CPNE8: variants seen among roughly 807,000 people sequenced by gnomAD.
CPNE8 encodes copine 8, also known as copine-8.
In CPNE8, 45 loss-of-function variants were observed where a neutral mutation model predicts 81.5. The observed-to-expected ratio is 0.55, with a 90% CI of 0.44 to 0.71. The LOEUF is 0.71. CPNE8 is among the 30% of genes least tolerant of loss of function. The probability of loss-of-function intolerance (pLI) is 0.00; values close to 1 mark genes in which losing one functional copy is unlikely to be tolerated. For synonymous variants in CPNE8, 252 were observed against 226.3 expected (o/e 1.11, Z -1.02); for missense variants, 594 against 672.1 (o/e 0.88, Z 1.28).
intron 1 of CPNE8, among the ~76,000 whole-genome samples, chr12:38,887,178 G>A (rs1369811537): frequency 1.3e-5 from 2 of 152,138 alleles, no homozygotes; most frequent in African/African-American, 4.8e-5. Context: ...ACTGTCAACA[G>A]CAATGTTTTA....
chr12:38,679,705 G>C, intron 16 of CPNE8: 3 of 984,784 alleles, frequency 3.0e-6, no homozygotes, highest in Non-Finnish European at 3.6e-6. Flanking sequence ...GTTGCACTTT[G>C]AAAGTAAATC....
At chr12:38,729,051 G>A (rs864324) in intron 11 of CPNE8, among the ~76,000 whole-genome samples, 77,813 of 151,808 alleles carry the variant, frequency 0.51, 20,283 homozygotes, top group Middle Eastern at 0.67. Flanking sequence ...ACTGAAACCA[G>A]TGATGAGAAA....
intron 10 of CPNE8, among the ~76,000 whole-genome samples, chr12:38,736,655 A>T (rs1469903061): frequency 1.3e-5 from 2 of 152,038 alleles, no homozygotes; most frequent in Non-Finnish European, 2.9e-5. Context: ...AAACACCTTT[A>T]ATTCAATTTC....
At chr12:38,701,740 C>A (rs564503531) in intron 14 of CPNE8, among the ~76,000 whole-genome samples, 1 of 152,062 alleles carries the variant, frequency 6.6e-6, no homozygotes, top group Non-Finnish European at 1.5e-5. Context: ...GTGATCTGCC[C>A]GCCTCAGCCT....
chr12:38,791,993 G>A (rs1056095075), intron 6 of CPNE8, among the ~76,000 whole-genome samples: 2 of 147,958 alleles, frequency 1.4e-5, no homozygotes, highest in Non-Finnish European at 3.0e-5. Context: ...GGGTCAAAGA[G>A]GAGACCATAG....
At position 38,829,433 on chromosome 12, in the gene CPNE8, C is replaced by G; in HGVS notation, c.353G>C (p.Cys118Ser). ...TGAACCAACGATCTCTCCCAATGTA[C>G]AAAACACTTGTCCCAGAAAGTCCTG... ...SKHDFLGQVFCTLGEIVGSQG... is the reference protein window; with the variant it reads ...SKHDFLGQVFSTLGEIVGSQG... Residue 118 changes from cysteine to serine, a missense_variant, in exon 6 of 20, where the codon TGT (cysteine) becomes TCT (serine). By Grantham distance (112) the Cys-to-Ser change is moderately radical (BLOSUM62 -1). Transcript: ENST00000331366. The G allele has an allele frequency of 6.2e-7, 1 of 1,612,938 alleles. No homozygotes were observed. Among genetic ancestry groups the G allele is most frequent in the Non-Finnish European group, 8.5e-7 (1 of 1,179,052 alleles).
intron 15 of CPNE8, among the ~76,000 whole-genome samples, chr12:38,686,164 T>G (rs1218002826): frequency 2.6e-5 from 4 of 152,066 alleles, no homozygotes; most frequent in Non-Finnish European, 5.9e-5. Flanking sequence ...ATGTAAAATA[T>G]CTGCCACATG....
chr12:38,889,070 T>G (rs1369480836), intron 1 of CPNE8, among the ~76,000 whole-genome samples: 3 of 152,330 alleles, frequency 2.0e-5, no homozygotes, highest in East Asian at 3.9e-4. Context: ...ATTTACAGTT[T>G]AATAGCTGTC....
chr12:38,862,937 A>G (rs1167288755), intron 3 of CPNE8, among the ~76,000 whole-genome samples: 5 of 152,166 alleles, frequency 3.3e-5, no homozygotes, highest in African/African-American at 1.2e-4. Context: ...TGAGAGAATG[A>G]GACTGTGACT....
At chr12:38,886,436 T>G (rs1008859638) in intron 1 of CPNE8, among the ~76,000 whole-genome samples, 1 of 152,052 alleles carries the variant, frequency 6.6e-6, no homozygotes, top group Non-Finnish European at 1.5e-5. Flanking sequence ...TAATGTAGAG[T>G]GGGTGTGCAA....
intron 16 of CPNE8, among the ~76,000 whole-genome samples, chr12:38,678,843 T>C (rs998937500): frequency 2.6e-5 from 4 of 151,868 alleles, no homozygotes; most frequent in South Asian, 4.1e-4. Context: ...CAATGTACTA[T>C]AGAATTAAAA....
chr12:38,806,356 A>G (rs1436935708), intron 6 of CPNE8, among the ~76,000 whole-genome samples: 2 of 149,410 alleles, frequency 1.3e-5, no homozygotes, highest in Admixed American at 1.3e-4. Flanking sequence ...ATCCTCAATA[A>G]AATACTGGCA....
chr12:38,885,657 T>C (rs1488849801), intron 1 of CPNE8, among the ~76,000 whole-genome samples: 1 of 152,146 alleles, frequency 6.6e-6, no homozygotes, highest in East Asian at 1.9e-4. Flanking sequence ...AACTGCTTCC[T>C]CTACTTCTCT....
intron 16 of CPNE8, 70 bp from the exon 17 acceptor site, chr12:38,677,624 G>C (rs1939320529): frequency 1.2e-6 from 1 of 835,590 alleles, no homozygotes; most frequent in East Asian, 2.5e-5. Flanking sequence ...AATACAATTT[G>C]GAATAGTTAA....
chr12:38,725,204 G>A (rs1940665514), intron 11 of CPNE8, among the ~76,000 whole-genome samples: 1 of 152,106 alleles, frequency 6.6e-6, no homozygotes, highest in African/African-American at 2.4e-5. Context: ...CCTAACTAAT[G>A]ATTGCTTTAT....
intron 6 of CPNE8, among the ~76,000 whole-genome samples, chr12:38,827,589 A>G (rs2137018590): frequency 6.6e-6 from 1 of 152,336 alleles, no homozygotes; most frequent in South Asian, 2.1e-4. Context: ...CCAATGGTGG[A>G]CTGGATAAAT....
intron 1 of CPNE8, among the ~76,000 whole-genome samples, chr12:38,905,193 G>A (rs1322049875): frequency 6.6e-6 from 1 of 152,178 alleles, no homozygotes; most frequent in Non-Finnish European, 1.5e-5. Context: ...TCACAGCCCA[G>A]CCAACTTTTA....
chr12:38,706,658 A>G (rs1223994228), intron 13 of CPNE8, among the ~76,000 whole-genome samples: 1 of 152,206 alleles, frequency 6.6e-6, no homozygotes, highest in East Asian at 1.9e-4. Flanking sequence ...GCAGATTATA[A>G]AGATCAATTT....
chr12:38,699,763 T>C (rs1049257283), intron 14 of CPNE8, among the ~76,000 whole-genome samples: 9 of 152,300 alleles, frequency 5.9e-5, no homozygotes, highest in Admixed American at 5.2e-4. Flanking sequence ...ATCTGTATTA[T>C]ATATATTTCC....
Sources: allele counts gnomAD v4.1 joint callset (sites outside exome capture counted in the v4.1 genomes callset), GRCh38; gene constraint gnomAD v4.1.1; transcripts MANE v1.5; gene names NCBI Gene and HGNC (gene_info 2026-07-23, HGNC 2026-07-21).